PPP2R2B: variants seen among roughly 807,000 people sequenced by gnomAD.
PPP2R2B encodes serine/threonine-protein phosphatase 2A 55 kDa regulatory subunit B beta isoform.
Under a neutral mutation model 46.0 loss-of-function variants are expected in PPP2R2B, and 5 were observed. The observed-to-expected ratio is 0.11, with a 90% CI of 0.06 to 0.23. The LOEUF (loss-of-function observed/expected upper bound fraction) is 0.23. Among genes scored for constraint, PPP2R2B ranks in the 10% least tolerant of loss-of-function variants. The pLI is 1.00. For synonymous variants in PPP2R2B, 215 were observed against 206.7 expected (o/e 1.04, Z -0.34); for missense variants, 367 against 575.0 (o/e 0.64, Z 3.70).
chr5:146,685,845 C>A (rs1364919984), intron 5 of PPP2R2B, among the ~76,000 whole-genome samples: 1 of 152,086 alleles, frequency 6.6e-6, no homozygotes, highest in African/African-American at 2.4e-5. Context: ...CCTTGTGTAC[C>A]CACCCTGTGG....
intron 7 of PPP2R2B, among the ~76,000 whole-genome samples, chr5:146,617,993 A>G (rs1646761260): frequency 6.6e-6 from 1 of 152,018 alleles, no homozygotes; most frequent in South Asian, 2.1e-4. Context: ...CATGCCAGCC[A>G]TCTCTTGCTC....
intron 2 of PPP2R2B, among the ~76,000 whole-genome samples, chr5:146,867,716 G>A (rs1473918175): frequency 5.3e-5 from 8 of 152,070 alleles, no homozygotes; most frequent in Admixed American, 4.6e-4. Flanking sequence ...CACGCACCCT[G>A]GCTTCTGTGG....
chr5:146,654,817 C>T (rs942591871), intron 5 of PPP2R2B, among the ~76,000 whole-genome samples: 2 of 152,172 alleles, frequency 1.3e-5, no homozygotes, highest in Non-Finnish European at 2.9e-5. Context: ...CTTCCTGTCC[C>T]AGACTTCTGC....
chr5:146,700,584 C>A (rs1779474481), intron 3 of PPP2R2B, among the ~76,000 whole-genome samples: 1 of 152,128 alleles, frequency 6.6e-6, no homozygotes, highest in South Asian at 2.1e-4. Context: ...GCCTTTTACC[C>A]CCTTAGGTGA....
chr5:146,780,779 G>A (rs906565772), intron 2 of PPP2R2B, among the ~76,000 whole-genome samples: 3 of 152,092 alleles, frequency 2.0e-5, no homozygotes, highest in Non-Finnish European at 4.4e-5. Flanking sequence ...CTCTCTGCCT[G>A]TTCTTCAAGA....
chr5:146,597,794 A>G (rs74356729), intron 8 of PPP2R2B, among the ~76,000 whole-genome samples: 5,047 of 152,304 alleles, frequency 0.033, 115 homozygotes, highest in African/African-American at 0.065. Context: ...AAACACCTAC[A>G]TGTTCCCATC....
At chr5:146,648,631 A>T (rs1343546964) in intron 6 of PPP2R2B, among the ~76,000 whole-genome samples, 2 of 152,136 alleles carry the variant, frequency 1.3e-5, no homozygotes, top group African/African-American at 2.4e-5. Context: ...ATACATAAGT[A>T]AAAAAATTTC....
At chr5:146,973,189 G>T (rs1465652064) in intron 1 of PPP2R2B, among the ~76,000 whole-genome samples, 2 of 152,046 alleles carry the variant, frequency 1.3e-5, no homozygotes, top group African/African-American at 4.8e-5. Flanking sequence ...GTGGTTACTT[G>T]GTTGTCCCAG....
chr5:146,887,788 G>A (rs1232589929), intron 1 of PPP2R2B, among the ~76,000 whole-genome samples: 1 of 152,098 alleles, frequency 6.6e-6, no homozygotes, highest in East Asian at 1.9e-4. Context: ...TGGGCATCTG[G>A]ACACTATTAT....
At chr5:146,779,033 AAAC>A (rs1211466195) in intron 2 of PPP2R2B, among the ~76,000 whole-genome samples, 3 of 152,202 alleles carry the variant, frequency 2.0e-5, no homozygotes, top group African/African-American at 4.8e-5. Flanking sequence ...AAGCAGTTAG[AAAC>A]AACAACAACA....
At chr5:146,728,331 A>C (rs1292068289) in intron 2 of PPP2R2B, among the ~76,000 whole-genome samples, 11 of 152,108 alleles carry the variant, frequency 7.2e-5, no homozygotes, top group African/African-American at 2.7e-4. Flanking sequence ...TTTTTAAATA[A>C]GACCTTTTCC....
At chr5:146,781,131 GATATATATATATATATAT>G (rs56697862) in intron 2 of PPP2R2B, among the ~76,000 whole-genome samples, 4,192 of 49,468 alleles carry the variant, frequency 0.085, 458 homozygotes, top group Middle Eastern at 0.24. Flanking sequence ...ATGCCACCAT[GATATATATATATATATAT>G]ATATATATAT....
intron 1 of PPP2R2B, among the ~76,000 whole-genome samples, chr5:146,910,797 A>G (rs192805642): frequency 6.6e-6 from 1 of 152,326 alleles, no homozygotes; most frequent in Admixed American, 6.5e-5. Flanking sequence ...TAAAAAGAAT[A>G]TAGTATAAAA....
intron 6 of PPP2R2B, among the ~76,000 whole-genome samples, chr5:146,638,827 A>G (rs1774998596): frequency 6.6e-6 from 1 of 152,166 alleles, no homozygotes; most frequent in African/African-American, 2.4e-5. Flanking sequence ...TGATTCCTTA[A>G]TGGATTATTG....
chr5:146,801,308 A>G (rs1756852253), intron 2 of PPP2R2B, among the ~76,000 whole-genome samples: 1 of 152,194 alleles, frequency 6.6e-6, no homozygotes, highest in African/African-American at 2.4e-5. Flanking sequence ...ATTTGCTAAA[A>G]GGGCAGATAT....
chr5:146,859,225 CTTTATA>C (rs1760844064), intron 2 of PPP2R2B, among the ~76,000 whole-genome samples: 1 of 152,132 alleles, frequency 6.6e-6, no homozygotes, highest in African/African-American at 2.4e-5. Context: ...GAAATTTACT[CTTTATA>C]TTTGTTGAGC....
chr5:147,022,043 T>C (rs941252661), intron 1 of PPP2R2B, among the ~76,000 whole-genome samples: 4 of 152,128 alleles, frequency 2.6e-5, no homozygotes, highest in African/African-American at 9.7e-5. Flanking sequence ...ATTTACTGGA[T>C]GAGCTTCAAC....
chr5:147,020,720 TG>T (rs2151884744), intron 1 of PPP2R2B, among the ~76,000 whole-genome samples: 1 of 152,206 alleles, frequency 6.6e-6, no homozygotes, highest in Non-Finnish European at 1.5e-5. Flanking sequence ...GATAAGAATC[TG>T]GTATTACTAT....
intron 1 of PPP2R2B, among the ~76,000 whole-genome samples, chr5:147,023,175 T>C (rs910663683): frequency 1.3e-5 from 2 of 152,212 alleles, no homozygotes; most frequent in African/African-American, 4.8e-5. Context: ...AAAGACATGC[T>C]GTTGTAAGGT....
Sources: allele counts gnomAD v4.1 joint callset (sites outside exome capture counted in the v4.1 genomes callset), GRCh38; gene constraint gnomAD v4.1.1; transcripts MANE v1.5; gene names NCBI Gene and HGNC (gene_info 2026-07-23, HGNC 2026-07-21).